PRTFDC1: variants seen among roughly 807,000 people sequenced by gnomAD.
The protein encoded by PRTFDC1 is phosphoribosyl transferase domain containing 1, also known as phosphoribosyltransferase domain-containing protein 1.
In PRTFDC1, 38 loss-of-function variants were observed where a neutral mutation model predicts 34.6. The ratio of observed to expected loss-of-function variants is 1.10; its 90% CI spans 0.85 to 1.44. The LOEUF is 1.44. PRTFDC1 is among the 40% of genes most tolerant of loss of function. PRTFDC1 has a pLI of 0.00. For missense variants in PRTFDC1, 270 were observed against 283.0 expected (o/e 0.95, Z 0.33); for synonymous variants, 93 against 98.1 (o/e 0.95, Z 0.31).
At chr10:24,850,060 C>T (rs1017167166) in intron 8 of PRTFDC1, among the ~76,000 whole-genome samples, 169 bp from the exon 9 acceptor site, 3 of 152,086 alleles carry the variant, frequency 2.0e-5, no homozygotes, top group African/African-American at 7.2e-5. Flanking sequence ...CATTCAAGTG[C>T]TTGACAAAAG....
chr10:24,900,128 C>G (rs908018568), intron 3 of PRTFDC1, among the ~76,000 whole-genome samples: 2 of 152,200 alleles, frequency 1.3e-5, no homozygotes, highest in African/African-American at 4.8e-5. Context: ...ACTGATGCAG[C>G]CTCTCCCTTT....
intron 3 of PRTFDC1, among the ~76,000 whole-genome samples, chr10:24,927,514 A>G (rs1226621136): frequency 6.6e-6 from 1 of 152,094 alleles, no homozygotes; most frequent in African/African-American, 2.4e-5. Flanking sequence ...CATGGAAAAA[A>G]TCTGTAGCTT....
intron 3 of PRTFDC1, among the ~76,000 whole-genome samples, chr10:24,876,778 G>A (rs980970062): frequency 1.3e-5 from 2 of 151,760 alleles, no homozygotes; most frequent in African/African-American, 4.8e-5. Flanking sequence ...CGAACTCCTG[G>A]CCCCAAGCAA....
chr10:24,937,491 A>G, intron 2 of PRTFDC1, 124 bp from the exon 3 acceptor site: 1 of 821,122 alleles, frequency 1.2e-6, no homozygotes, highest in South Asian at 2.5e-5. Context: ...AAACCTTGGG[A>G]AACAGAAACC....
In PRTFDC1 at chr10:24,942,579, T is replaced by C. The variant is rs1849180381; in HGVS notation, c.49-143A>G. 7.3e-6 allele frequency: 5 copies of C among 681,902 alleles called. No homozygotes were observed. The South Asian group carries it at 8.5e-5, about 12-fold the overall frequency. 42.2% of individuals were successfully genotyped at this position (681,902 alleles called of 1,614,324 possible). ...AAGGTTATTTGTTTCCACAACCTGA[T>C]ACAAGGCGCAGTACTAAAGTGAACA... On this transcript the variant is annotated intron_variant, in intron 1 of 8. Transcript: ENST00000320152.
Position 24,879,962 on chromosome 10 carries a change from G to A in PRTFDC1, c.340-7899C>T, listed in dbSNP as rs542645631. Among the ~76,000 whole-genome samples, 13 of 152,240 alleles carry A rather than the reference G, an allele frequency of 8.5e-5. 1 individual carries two copies. The East Asian group carries it at 1.4e-3, about 16-fold the overall frequency. ...AGAAGGGAGAATGTGGAGACCAAGCGAACAGGCAGCTGGCATCTCACGAAT... is the reference window on the plus strand; with the variant it reads ...AGAAGGGAGAATGTGGAGACCAAGCAAACAGGCAGCTGGCATCTCACGAAT... On this transcript the variant is annotated intron_variant, in intron 3 of 8. Coordinates refer to ENST00000320152, the MANE Select transcript of PRTFDC1 (RefSeq NM_020200.7).
chr10:24,873,195 T>C (rs74122887), intron 3 of PRTFDC1, among the ~76,000 whole-genome samples: 2,051 of 152,190 alleles, frequency 0.013, 47 homozygotes, highest in African/African-American at 0.043. Flanking sequence ...TTTCATCATG[T>C]TTATGTATGG....
At chr10:24,938,072 A>G (rs997925628) in intron 2 of PRTFDC1, among the ~76,000 whole-genome samples, 1 of 151,760 alleles carries the variant, frequency 6.6e-6, no homozygotes, top group Non-Finnish European at 1.5e-5. Flanking sequence ...CTAAAAATAC[A>G]AAAATTAGCC....
At chr10:24,902,729 T>G (rs1368390847) in intron 3 of PRTFDC1, among the ~76,000 whole-genome samples, 1 of 152,228 alleles carries the variant, frequency 6.6e-6, no homozygotes, top group Non-Finnish European at 1.5e-5. Context: ...TAAAATGGAC[T>G]CTAACAAGAT....
rs571626795 is a variant in PRTFDC1, at chr10:24,887,292, T to G, written c.340-15229A>C. Among the ~76,000 whole-genome samples, 3 of 152,158 alleles carry G rather than the reference T, an allele frequency of 2.0e-5. No homozygotes were observed. The South Asian group carries it at 6.2e-4, about 32-fold the overall frequency. Reference sequence around the variant, plus strand: ...GCCGTTAATACTCCTTCTAATAGGGTTTGGCCATGTCCCCACTCAAATCTC... The same window carrying G: ...GCCGTTAATACTCCTTCTAATAGGGGTTGGCCATGTCCCCACTCAAATCTC... On this transcript the variant is annotated intron_variant, in intron 3 of 8. Coordinates refer to ENST00000320152, the MANE Select transcript of PRTFDC1 (RefSeq NM_020200.7).
At chr10:24,876,718 T>C (rs996704910) in intron 3 of PRTFDC1, among the ~76,000 whole-genome samples, 1 of 151,964 alleles carries the variant, frequency 6.6e-6, no homozygotes, top group Non-Finnish European at 1.5e-5. Flanking sequence ...TTATTATTTA[T>C]TTTACTTTTT....
At chr10:24,853,333 A>T (rs1464675510) in intron 7 of PRTFDC1, among the ~76,000 whole-genome samples, 3 of 151,770 alleles carry the variant, frequency 2.0e-5, no homozygotes, top group Admixed American at 6.6e-5. Context: ...AAAAAAAGGT[A>T]AGGTGCAGTG....
Position 24,936,249 on chromosome 10 carries a change from C to A in PRTFDC1, c.339+935G>T, listed in dbSNP as rs181581987. Among the ~76,000 whole-genome samples the A allele has an allele frequency of 2.6e-3, 391 of 151,944 alleles. 1 individual carries two copies. Among genetic ancestry groups the A allele is most frequent in the African/African-American group, 8.2e-3 (340 of 41,460 alleles). The stretch of plus-strand genomic sequence containing the variant: ...AATCAAAAAGCATCAAAGAAGTTAA[C>A]ATCATAGAGGGAGGAGGAGGGAGAC... On this transcript the variant is annotated intron_variant, in intron 3 of 8. Transcript: ENST00000320152.
chr10:24,887,835 C>T (rs1444244460), intron 3 of PRTFDC1, among the ~76,000 whole-genome samples: 3 of 152,188 alleles, frequency 2.0e-5, no homozygotes, highest in Non-Finnish European at 2.9e-5. Context: ...ATGTAGCACC[C>T]GTTCAGGCAG....
chr10:24,862,382 T>C (rs1398603347), intron 4 of PRTFDC1, among the ~76,000 whole-genome samples: 1 of 141,166 alleles, frequency 7.1e-6, no homozygotes, highest in Non-Finnish European at 1.5e-5. Flanking sequence ...TTTACATTTC[T>C]CTTTTTTTTT....
chr10:24,924,333 C>T (rs1480014729), intron 3 of PRTFDC1, among the ~76,000 whole-genome samples: 1 of 152,116 alleles, frequency 6.6e-6, no homozygotes, highest in Non-Finnish European at 1.5e-5. Flanking sequence ...AGAAGAGCAA[C>T]CCCAAGACAC....
intron 8 of PRTFDC1, 42 bp from the exon 9 acceptor site, chr10:24,849,933 A>T (rs895413865): frequency 1.3e-6 from 2 of 1,590,928 alleles, no homozygotes; most frequent in Non-Finnish European, 1.7e-6. Context: ...TTCTTAACAA[A>T]ATATGAGACA....
chr10:24,864,504 G>A (rs917462402), intron 4 of PRTFDC1, among the ~76,000 whole-genome samples: 14 of 152,198 alleles, frequency 9.2e-5, no homozygotes, highest in Admixed American at 3.9e-4. Flanking sequence ...CATCAACATC[G>A]TGGCAAGACC....
At position 24,922,553 on chromosome 10, in the gene PRTFDC1, T is replaced by C. The variant is rs140363880; in HGVS notation, c.339+14631A>G. On this transcript the variant is annotated intron_variant, in intron 3 of 8. Transcript: ENST00000320152. The stretch of plus-strand genomic sequence containing the variant: ...TTTTATAAAGGAGAGTTCCCCTGCA[T>C]ATGCCCTCTTGCCTGCCACCATGTA... Among the ~76,000 whole-genome samples, 225 of 152,300 alleles carry C rather than the reference T, an allele frequency of 1.5e-3. 2 individuals are homozygous for C. The highest frequency in any genetic ancestry group is 4.3e-3 in the African/African-American group (180 of 41,558).
Sources: gnomAD v4.1 joint callset for allele counts (sites outside exome capture counted in the v4.1 genomes callset) on GRCh38, gnomAD v4.1.1 for gene constraint, MANE v1.5 for transcripts, NCBI Gene and HGNC (gene_info 2026-07-23, HGNC 2026-07-21) for gene names.